Variants in ADA observed in about 807,000 individuals in gnomAD.
ADA encodes the protein adenosine deaminase, also known as adenosine aminohydrolase.
In ADA, 45 loss-of-function variants were observed where a neutral mutation model predicts 49.0. The ratio of observed to expected loss-of-function variants is 0.92; its 90% confidence interval spans 0.72 to 1.18. The LOEUF (loss-of-function observed/expected upper bound fraction) is 1.18, where lower values mean the gene tolerates loss of function less well. Ranked by LOEUF, ADA falls within the 50% of genes most tolerant of loss-of-function variation. The pLI is 0.00. For synonymous variants in ADA, 173 were observed against 184.2 expected (o/e 0.94, Z 0.49); for missense variants, 445 against 472.5 (o/e 0.94, Z 0.54).
At position 44,625,611 on chromosome 20, in the gene ADA, C is replaced by A; in HGVS notation, c.436G>T (p.Val146Phe). ...CAGCACAGGATGGACCGGGCCTTGA[C>A]CCCGAAGTCTCGCTCCCCCTCCTGC... ...GLQEGERDFGVKARSILCCMR... is the reference protein window; with the variant it reads ...GLQEGERDFGFKARSILCCMR... The change falls in exon 5 of 12, where the codon GTC (valine) becomes TTC (phenylalanine). Residue 146 changes from valine to phenylalanine, a missense_variant. By Grantham distance (50) the Val-to-Phe change is conservative. Transcript: ENST00000372874. The A allele has an allele frequency of 6.3e-7, 1 of 1,588,464 alleles. No individual in the cohort carries two copies. The highest frequency in any genetic ancestry group is 8.6e-7 in the Non-Finnish European group (1 of 1,167,406).
chr20:44,625,710 G>T (rs1250815841), intron 4 of ADA, 26 bp from the exon 5 acceptor site: 1 of 1,539,606 alleles, frequency 6.5e-7, no homozygotes, highest in Non-Finnish European at 8.8e-7. Context: ...AGTAGGGATG[G>T]GCCTGAGGCA....
rs750991083 is a variant in ADA, at chr20:44,624,348, C to T, written c.479-19G>A. 23 of 1,612,370 alleles carry T rather than the reference C, an allele frequency of 1.4e-5. No individual in the cohort carries two copies. In the Admixed American group the frequency reaches 1.7e-4, roughly 12 times the overall value. On this transcript the variant is annotated intron_variant, in intron 5 of 11. Transcript: ENST00000372874. ...GACCAGTCTGTGGGCGAGATGCCCA[C>T]CCAGGCTCTGTCACCAGCACCATGG...
intron 1 of ADA, among the ~76,000 whole-genome samples, chr20:44,643,882 C>G (rs1038336946): frequency 2.0e-5 from 3 of 152,086 alleles, no homozygotes; most frequent in African/African-American, 7.2e-5. Flanking sequence ...TGGAGGCCCT[C>G]GGGAAATGCA....
At chr20:44,621,785 TCCA>T (rs896212750) in intron 9 of ADA, among the ~76,000 whole-genome samples, 29 of 152,268 alleles carry the variant, frequency 1.9e-4, no homozygotes, top group African/African-American at 6.5e-4. Flanking sequence ...CCCTTCTTGC[TCCA>T]CCACCTCCTG....
Position 44,623,050 on chromosome 20 carries a change from G to C in ADA, c.635C>G (p.Thr212Ser), listed in dbSNP as rs375707215. The change falls in exon 7 of 12, where the codon ACT (threonine) becomes AGT (serine). Residue 212 changes from threonine (T) to serine (S), a missense_variant. By Grantham distance (58) the Thr-to-Ser change is moderately conservative. Coordinates refer to ENST00000372874, the MANE Select transcript of ADA (RefSeq NM_000022.4). ...QEAVKSGIHR[T>S]VHAGEVGSAE... The stretch of plus-strand genomic sequence containing the variant: ...CGAGCCCACCTCCCCGGCGTGGACA[G>C]TACGGTGAATGCCGCTCTTCACAGC... 24 of 1,614,036 alleles carry C rather than the reference G, an allele frequency of 1.5e-5. No homozygotes were observed. The highest frequency in any genetic ancestry group is 2.0e-5 in the Non-Finnish European group (24 of 1,180,014).
intron 3 of ADA, among the ~76,000 whole-genome samples, chr20:44,628,485 C>T (rs2065402789): frequency 6.6e-6 from 1 of 151,834 alleles, no homozygotes; most frequent in Non-Finnish European, 1.5e-5. Flanking sequence ...GAGATCGCAC[C>T]ACTGCACTTC....
At chr20:44,642,935 C>A (rs1195757172) in intron 1 of ADA, among the ~76,000 whole-genome samples, 1 of 152,128 alleles carries the variant, frequency 6.6e-6, no homozygotes. Context: ...CAGCTGCCCA[C>A]CATGACCAGT....
At chr20:44,641,980 C>G (rs1048982637) in intron 1 of ADA, among the ~76,000 whole-genome samples, 1 of 152,044 alleles carries the variant, frequency 6.6e-6, no homozygotes, top group Non-Finnish European at 1.5e-5. Context: ...GTTGGCCAGG[C>G]TGGTTTTGAA....
At chr20:44,631,996 T>G (rs1383640816) in intron 2 of ADA, among the ~76,000 whole-genome samples, 2 of 152,188 alleles carry the variant, frequency 1.3e-5, no homozygotes, top group African/African-American at 4.8e-5. Context: ...CGCCTCCCCG[T>G]GCCCAGCACC....
At chr20:44,631,658 G>A (rs910611585) in intron 2 of ADA, among the ~76,000 whole-genome samples, 8 of 152,138 alleles carry the variant, frequency 5.3e-5, no homozygotes, top group Non-Finnish European at 1.2e-4. Flanking sequence ...CTCCACCTGC[G>A]GGGGCTCTGC....
intron 6 of ADA, among the ~76,000 whole-genome samples, chr20:44,623,570 C>T (rs1319664648): frequency 2.0e-5 from 3 of 152,092 alleles, no homozygotes; most frequent in Non-Finnish European, 2.9e-5. Flanking sequence ...ACAGTGTTGC[C>T]CAGGTTCACA....
intron 1 of ADA, among the ~76,000 whole-genome samples, chr20:44,637,154 A>G (rs1054066317): frequency 8.5e-5 from 13 of 152,164 alleles, no homozygotes; most frequent in Non-Finnish European, 1.8e-4. Context: ...CCTATCAGGA[A>G]TCAATATTAG....
At chr20:44,645,337 G>A (rs1269746044) in intron 1 of ADA, among the ~76,000 whole-genome samples, 1 of 136,648 alleles carries the variant, frequency 7.3e-6, no homozygotes. Context: ...CAGCTTGGGT[G>A]ACAGAGGAAG....
chr20:44,624,097 A>G, intron 6 of ADA, 105 bp downstream of exon 6: 2 of 1,486,084 alleles, frequency 1.3e-6, no homozygotes, highest in South Asian at 2.4e-5. Context: ...ACACTTCAGA[A>G]CTCAGGAGAC....
intron 3 of ADA, 119 bp downstream of exon 3, chr20:44,628,928 G>A (rs949041450): frequency 6.7e-7 from 1 of 1,493,942 alleles, no homozygotes; most frequent in African/African-American, 1.4e-5. Context: ...ACACAATGGT[G>A]AGAAAGACAG....
intron 2 of ADA, among the ~76,000 whole-genome samples, chr20:44,633,196 T>C (rs867333940): frequency 2.0e-5 from 3 of 152,112 alleles, no homozygotes; most frequent in Non-Finnish European, 4.4e-5. Flanking sequence ...GCAGGAGCGC[T>C]CCCCTCTAAG....
chr20:44,636,250 A>G lies in ADA; in HGVS notation c.72T>C (p.Pro24=). ...LHVHLDGSIK[P]ETILYYGRRR... is the part of the protein sequence containing the mutation. ...ACCTGCCATAGTATAAGATGGTTTC[A>G]GGCTTGATGGATCCGTCTAGGTGGA... The change falls in exon 2 of 12, where the codon CCT becomes CCC. Residue 24 remains proline (P), a synonymous_variant. Coordinates refer to ENST00000372874, the MANE Select transcript of ADA (RefSeq NM_000022.4). 1 of 1,610,564 alleles carries G rather than the reference A, an allele frequency of 6.2e-7. No homozygotes were observed. The highest frequency in any genetic ancestry group is 1.7e-4 in the Middle Eastern group (1 of 6,040).
intron 1 of ADA, among the ~76,000 whole-genome samples, chr20:44,640,546 T>C (rs917033606): frequency 6.6e-6 from 1 of 151,546 alleles, no homozygotes; most frequent in Non-Finnish European, 1.5e-5. Context: ...CAGGTACCTA[T>C]AATCCCAGCT....
rs1206634144 is a variant in ADA at position 44,625,605 on chromosome 20, C to A, written c.442G>T (p.Ala148Ser). ...CGCATGCAGCACAGGATGGACCGGG[C>A]CTTGACCCCGAAGTCTCGCTCCCCC... ...QEGERDFGVK[A>S]RSILCCMRHQ... The change falls in exon 5 of 12, where the codon GCC (alanine) becomes TCC (serine). Residue 148 changes from alanine (A) to serine (S), a missense_variant. Physicochemically the swap from Ala to Ser is moderately conservative, Grantham distance 99. Coordinates refer to ENST00000372874, the MANE Select transcript of ADA (RefSeq NM_000022.4). 5.7e-6 allele frequency: 9 copies of A among 1,588,884 alleles called. No homozygotes were observed. Among genetic ancestry groups the A allele is most frequent in the African/African-American group, 4.0e-5 (3 of 74,666 alleles).
Sources: allele counts gnomAD v4.1 joint callset (sites outside exome capture counted in the v4.1 genomes callset), GRCh38; gene constraint gnomAD v4.1.1; transcripts MANE v1.5; gene names NCBI Gene and HGNC (gene_info 2026-07-23, HGNC 2026-07-21).